CPNE4: variants seen among roughly 807,000 people sequenced by gnomAD.
The protein encoded by CPNE4 is copine-4.
In CPNE4, 25 loss-of-function variants were observed where a neutral mutation model predicts 67.9. The ratio of observed to expected loss-of-function variants is 0.37; its 90% confidence interval spans 0.27 to 0.51. The LOEUF (loss-of-function observed/expected upper bound fraction) is 0.51. Ranked by LOEUF, CPNE4 falls within the 20% of genes least tolerant of loss-of-function variation. The pLI is 0.93. For missense variants in CPNE4, 464 were observed against 690.8 expected (o/e 0.67, Z 3.68); for synonymous variants, 242 against 244.9 (o/e 0.99, Z 0.11).
At chr3:131,595,097 C>T (rs900009333) in intron 7 of CPNE4, among the ~76,000 whole-genome samples, 1 of 152,130 alleles carries the variant, frequency 6.6e-6, no homozygotes, top group Non-Finnish European at 1.5e-5. Context: ...GAAATTGGAA[C>T]CTTCGTACAT....
chr3:131,702,227 T>C (rs1423307709), intron 3 of CPNE4, among the ~76,000 whole-genome samples: 5 of 152,170 alleles, frequency 3.3e-5, no homozygotes, highest in African/African-American at 1.2e-4. Flanking sequence ...GATAGCAATG[T>C]AGCAATGGAA....
intron 5 of CPNE4, among the ~76,000 whole-genome samples, chr3:131,691,795 G>C (rs1392373958): frequency 6.6e-6 from 1 of 152,092 alleles, no homozygotes; most frequent in Non-Finnish European, 1.5e-5. Context: ...ACAAATATCA[G>C]GGGTGATTAC....
intron 2 of CPNE4, among the ~76,000 whole-genome samples, chr3:131,827,145 A>C (rs58238920): frequency 0.032 from 4,816 of 152,304 alleles, 180 homozygotes; most frequent in South Asian, 0.094. Flanking sequence ...TTTAAATAAA[A>C]CACCATTAAG....
intron 1 of CPNE4, among the ~76,000 whole-genome samples, chr3:131,984,724 T>C (rs958705684): frequency 6.6e-6 from 1 of 152,188 alleles, no homozygotes; most frequent in Admixed American, 6.5e-5. Context: ...ACATGGAAGG[T>C]TGTAGTGCCA....
chr3:131,806,401 T>G (rs957719112), intron 2 of CPNE4, among the ~76,000 whole-genome samples: 2 of 151,834 alleles, frequency 1.3e-5, no homozygotes, highest in Admixed American at 6.6e-5. Flanking sequence ...ATACAAAAAA[T>G]TAGCCGGGCA....
intron 2 of CPNE4, among the ~76,000 whole-genome samples, chr3:131,859,815 G>C (rs2086598839): frequency 6.6e-6 from 1 of 152,112 alleles, no homozygotes; most frequent in Non-Finnish European, 1.5e-5. Context: ...ATGCTAGAAA[G>C]AATCTCATAT....
At chr3:131,992,367 C>T (rs539783736) in intron 1 of CPNE4, among the ~76,000 whole-genome samples, 2 of 136,730 alleles carry the variant, frequency 1.5e-5, no homozygotes, top group East Asian at 4.7e-4. Context: ...GGGATCATTT[C>T]GGAATTTTAA....
intron 3 of CPNE4, among the ~76,000 whole-genome samples, chr3:131,716,187 GGCT>G (rs1201637618): frequency 2.0e-5 from 3 of 152,014 alleles, no homozygotes; most frequent in Non-Finnish European, 4.4e-5. Context: ...TGTTTCACAA[GGCT>G]GAGTGAGAAT....
chr3:131,537,033 G>A lies in CPNE4; in HGVS notation c.1540-1704C>T, dbSNP rs60440167. On this transcript the variant is annotated intron_variant, in intron 15 of 15. Transcript: ENST00000429747. Reference sequence around the variant, plus strand: ...TTAAAAGTTAAAAGACTTTTCCCTTGTGAAAAGTCTTCAACAATACAAGAG... The same window carrying A: ...TTAAAAGTTAAAAGACTTTTCCCTTATGAAAAGTCTTCAACAATACAAGAG... Among the ~76,000 whole-genome samples, 208 of 152,134 alleles carry A rather than the reference G, an allele frequency of 1.4e-3. 2 individuals carry two copies. The highest frequency in any genetic ancestry group is 4.8e-3 in the African/African-American group (199 of 41,502).
At chr3:132,032,151 T>C (rs769712621) in intron 1 of CPNE4, among the ~76,000 whole-genome samples, 9 of 152,218 alleles carry the variant, frequency 5.9e-5, no homozygotes, top group Non-Finnish European at 1.2e-4. Context: ...TTTTAATTTC[T>C]TTTTACACTT....
chr3:131,691,711 TAAAAA>T (rs879664170), intron 5 of CPNE4, among the ~76,000 whole-genome samples: 5 of 150,648 alleles, frequency 3.3e-5, no homozygotes, highest in African/African-American at 9.7e-5. Context: ...GTTGAAATAT[TAAAAA>T]AAAAGTGGGC....
intron 10 of CPNE4, among the ~76,000 whole-genome samples, chr3:131,569,095 G>T (rs1425418738): frequency 2.0e-5 from 3 of 151,978 alleles, no homozygotes; most frequent in Non-Finnish European, 4.4e-5. Context: ...AAATAGGAAA[G>T]TAGGGAAAGT....
At chr3:131,940,273 A>T (rs1439803361) in intron 1 of CPNE4, among the ~76,000 whole-genome samples, 6 of 152,132 alleles carry the variant, frequency 3.9e-5, no homozygotes, top group Non-Finnish European at 7.4e-5. Flanking sequence ...TGGCTATTAA[A>T]AATTATCCAT....
chr3:131,617,282 C>G (rs1259016464), intron 7 of CPNE4, among the ~76,000 whole-genome samples: 3 of 152,154 alleles, frequency 2.0e-5, no homozygotes, highest in African/African-American at 7.2e-5. Context: ...GCTTTTAAAG[C>G]CTTGCTCTAC....
At chr3:131,637,688 C>T (rs2079429776) in intron 7 of CPNE4, among the ~76,000 whole-genome samples, 1 of 152,108 alleles carries the variant, frequency 6.6e-6, no homozygotes, top group African/African-American at 2.4e-5. Flanking sequence ...AGAAACTCAA[C>T]ACCTGGGAAA....
rs2081250934 is a variant in CPNE4 at position 131,699,914 on chromosome 3, T to C, written c.427A>G (p.Ile143Val). The change falls in exon 4 of 16, where the codon ATC (isoleucine) becomes GTC (valine). Residue 143 changes from isoleucine (I) to valine (V), a missense_variant. Transcript: ENST00000429747. ...CTTAGGGAGTGCCTGCTTACCGTGA[T>C]GGAAGATTTCCCTGCTGTGTTCCCA... is the stretch of plus-strand genomic sequence containing the variant. ...KHGNTAGKSS[I>V]TVIAEELSGN... 6.2e-7 allele frequency: 1 copy of C among 1,613,178 alleles called. No homozygotes were observed. Among genetic ancestry groups the C allele is most frequent in the Non-Finnish European group, 8.5e-7 (1 of 1,179,412 alleles).
At chr3:131,974,675 G>T (rs1458602623) in intron 1 of CPNE4, among the ~76,000 whole-genome samples, 1 of 152,110 alleles carries the variant, frequency 6.6e-6, no homozygotes, top group Admixed American at 6.5e-5. Context: ...TCTGCCCATT[G>T]TTTCTCTTGC....
intron 1 of CPNE4, among the ~76,000 whole-genome samples, chr3:131,996,155 G>T (rs6780434): frequency 3.3e-5 from 5 of 152,162 alleles, no homozygotes; most frequent in Non-Finnish European, 4.4e-5. Flanking sequence ...ATAAAATGCT[G>T]TCTGTGTTTT....
At chr3:131,942,447 T>TGAGAGAGA (rs2071416355) in intron 1 of CPNE4, among the ~76,000 whole-genome samples, 1 of 61,214 alleles carries the variant, frequency 1.6e-5, no homozygotes, top group Admixed American at 2.3e-4. Flanking sequence ...TGTGTGTGTG[T>TGAGAGAGA]GTGTGTGTGT....
Sources: allele counts gnomAD v4.1 joint callset (sites outside exome capture counted in the v4.1 genomes callset), GRCh38; gene constraint gnomAD v4.1.1; transcripts MANE v1.5; gene names NCBI Gene and HGNC (gene_info 2026-07-23, HGNC 2026-07-21).